The following BZW2 variants were observed in gnomAD, a reference collection of about 807,000 sequenced individuals.
The protein encoded by BZW2 is eIF5-mimic protein 1.
In BZW2, 23 loss-of-function variants were observed where a neutral mutation model predicts 53.2. That is an observed-to-expected ratio of 0.43 (90% confidence interval 0.31 to 0.61). BZW2 has a LOEUF of 0.61. Among genes scored for constraint, BZW2 ranks in the 20% least tolerant of loss-of-function variants. The pLI, the probability that BZW2 is intolerant of heterozygous loss-of-function variation, is 0.09. For missense variants in BZW2, 409 were observed against 503.1 expected (o/e 0.81, Z 1.79); for synonymous variants, 227 against 186.4 (o/e 1.22, Z -1.77).
intron 1 of BZW2, among the ~76,000 whole-genome samples, chr7:16,649,790 G>C (rs1781944383): frequency 6.6e-6 from 1 of 152,166 alleles, no homozygotes; most frequent in African/African-American, 2.4e-5. Context: ...AACTGGATGA[G>C]AAGACAGCTG....
At position 16,665,500 on chromosome 7, in the gene BZW2, G is replaced by C. The variant is rs1415183083; in HGVS notation, c.57G>C (p.Arg19Ser). ...GCCAGCGGTTCAAAACTCGGAAAAGGGGTAGGTTGTGTGTGTGTGTGTGTG... is the reference window on the plus strand; with the variant it reads ...GCCAGCGGTTCAAAACTCGGAAAAGCGGTAGGTTGTGTGTGTGTGTGTGTG... ...LTGQRFKTRK[R>S]DEKEKFEPTV... is the part of the protein sequence containing the mutation. The change falls in exon 2 of 12, where the codon AGG becomes AGC. Residue 19 changes from arginine to serine, a missense_variant and splice_region_variant. Around this residue, in one of 3 missense-constraint regions of BZW2, gnomAD observed 316 missense variants for 366.8 expected, o/e 0.86. Coordinates refer to ENST00000258761, the MANE Select transcript of BZW2 (RefSeq NM_014038.3). The C allele has an allele frequency of 6.2e-7, 1 of 1,611,666 alleles. No homozygotes were observed. Among genetic ancestry groups the C allele is most frequent in the Non-Finnish European group, 8.5e-7 (1 of 1,179,966 alleles).
intron 11 of BZW2, 121 bp downstream of exon 11, chr7:16,704,790 C>A: frequency 9.4e-7 from 1 of 1,064,616 alleles, no homozygotes; most frequent in East Asian, 2.7e-5. Flanking sequence ...AGTTATCTTT[C>A]GTATCAAACA....
Position 16,689,785 on chromosome 7 carries a change from G to A in BZW2, c.542-12G>A. 6.3e-7 allele frequency: 1 copy of A among 1,591,372 alleles called. No homozygotes were observed. On this transcript the variant is annotated splice_polypyrimidine_tract_variant and intron_variant, in intron 6 of 11. Coordinates refer to ENST00000258761, the MANE Select transcript of BZW2 (RefSeq NM_014038.3). ...CGTAAAAGGAATGAAATTCTCTTTT[G>A]TTTTTCAACAGGCATTGCGGCCTCA... is the stretch of plus-strand genomic sequence containing the variant.
At chr7:16,665,926 A>C (rs1010106698) in intron 2 of BZW2, among the ~76,000 whole-genome samples, 1 of 152,206 alleles carries the variant, frequency 6.6e-6, no homozygotes, top group East Asian at 1.9e-4. Context: ...GAAGAAGTCA[A>C]AATAAATCTA....
chr7:16,660,333 G>C (rs546657936), intron 1 of BZW2, among the ~76,000 whole-genome samples: 1 of 151,170 alleles, frequency 6.6e-6, no homozygotes, highest in African/African-American at 2.4e-5. Flanking sequence ...CCACGTGGTC[G>C]GGGCTGCAGT....
chr7:16,692,769 A>G (rs1783352275), intron 7 of BZW2, among the ~76,000 whole-genome samples: 1 of 152,196 alleles, frequency 6.6e-6, no homozygotes, highest in South Asian at 2.1e-4. Flanking sequence ...GTCTCAAAAC[A>G]AAACAAAACA....
chr7:16,646,218 CTG>C lies in BZW2; in HGVS notation c.-77_-76del. On this transcript the variant is annotated 5_prime_UTR_variant, in exon 1 of 12. Coordinates refer to ENST00000258761, the MANE Select transcript of BZW2 (RefSeq NM_014038.3). Reference sequence around the variant, plus strand: ...TCTGCCGCCACTGCTGCTGCTGCTGCTGCTGCCGCTGCTGCTGCACGAATCGC... The same window carrying C: ...TCTGCCGCCACTGCTGCTGCTGCTGCCTGCCGCTGCTGCTGCACGAATCGC... 1 of 345,072 alleles carries C rather than the reference CTG, an allele frequency of 2.9e-6. No homozygotes were observed. Among genetic ancestry groups the C allele is most frequent in the Non-Finnish European group, 5.9e-6 (1 of 169,380 alleles). 21.4% of individuals were successfully genotyped at this position (345,072 alleles called of 1,614,324 possible). A position where few individuals can be genotyped will look rare whatever the true frequency, so the allele number is the denominator to read the frequency against.
At chr7:16,679,696 CTAA>C (rs1231002986) in intron 3 of BZW2, among the ~76,000 whole-genome samples, 1 of 152,138 alleles carries the variant, frequency 6.6e-6, no homozygotes, top group African/African-American at 2.4e-5. Context: ...AAGGGAGTGG[CTAA>C]TGAGTAGAGA....
At position 16,669,949 on chromosome 7, in the gene BZW2, A is replaced by G. The variant is rs1003553947; in HGVS notation, c.58+4448A>G. The stretch of plus-strand genomic sequence containing the variant: ...TAGTATTTCTGCTAGACTGTCCTCT[A>G]ATAAAATGCAAACTACATTTACTGT... On this transcript the variant is annotated intron_variant, in intron 2 of 11. Transcript: ENST00000258761. Among the ~76,000 whole-genome samples the G allele has an allele frequency of 4.6e-5, 7 of 152,232 alleles. 1 individual carries two copies. The highest frequency in any genetic ancestry group is 4.6e-4 in the Admixed American group (7 of 15,286).
chr7:16,691,941 G>A (rs1276930708), intron 7 of BZW2, among the ~76,000 whole-genome samples: 1 of 152,062 alleles, frequency 6.6e-6, no homozygotes, highest in African/African-American at 2.4e-5. Context: ...TGGAACATAG[G>A]TGGTGGTTTC....
intron 5 of BZW2, among the ~76,000 whole-genome samples, chr7:16,684,941 C>T (rs945993344): frequency 3.3e-5 from 5 of 152,164 alleles, no homozygotes; most frequent in Non-Finnish European, 7.4e-5. Flanking sequence ...ATAATCATGT[C>T]ATCAGGGTGG....
intron 3 of BZW2, among the ~76,000 whole-genome samples, chr7:16,679,720 T>C (rs1332582175): frequency 6.6e-6 from 1 of 152,226 alleles, no homozygotes; most frequent in African/African-American, 2.4e-5. Flanking sequence ...GTGTTTGTCT[T>C]TTCAGCTTTG....
Position 16,704,532 on chromosome 7 carries a change from G to T in BZW2, c.1109-15G>T. 1.3e-6 allele frequency: 2 copies of T among 1,508,748 alleles called. No homozygotes were observed. The highest frequency in any genetic ancestry group is 9.0e-7 in the Non-Finnish European group (1 of 1,109,030). The allele number at this position is 1,508,748 out of a possible 1,614,324, so 93.5% of individuals were successfully genotyped here. A position where few individuals can be genotyped will look rare whatever the true frequency, so the allele number is the denominator to read the frequency against. ...TTTGTATAGTAACTTTGAAATCTTTGATTTAAAATTGCAGCTGATGTTCTG... is the reference window on the plus strand; with the variant it reads ...TTTGTATAGTAACTTTGAAATCTTTTATTTAAAATTGCAGCTGATGTTCTG... On this transcript the variant is annotated splice_polypyrimidine_tract_variant and intron_variant, in intron 10 of 11. Transcript: ENST00000258761.
At chr7:16,666,443 G>T (rs112034810) in intron 2 of BZW2, among the ~76,000 whole-genome samples, 8,105 of 147,614 alleles carry the variant, frequency 0.055, 246 homozygotes, top group African/African-American at 0.071. Context: ...TTGCTCCGTC[G>T]TCAGGCTGGA....
chr7:16,702,975 A>G (rs1009645406), intron 10 of BZW2, among the ~76,000 whole-genome samples: 1 of 152,240 alleles, frequency 6.6e-6, no homozygotes, highest in African/African-American at 2.4e-5. Flanking sequence ...TCTTAAAGAT[A>G]ATTTACAAGT....
intron 1 of BZW2, among the ~76,000 whole-genome samples, chr7:16,655,155 C>T (rs1460181135): frequency 6.6e-6 from 1 of 152,096 alleles, no homozygotes; most frequent in Non-Finnish European, 1.5e-5. Context: ...AAAATTAAAT[C>T]CTCTATCAAA....
At chr7:16,692,999 G>C (rs977796270) in intron 7 of BZW2, among the ~76,000 whole-genome samples, 1 of 152,208 alleles carries the variant, frequency 6.6e-6, no homozygotes, top group Non-Finnish European at 1.5e-5. Flanking sequence ...GAGCAGGTGA[G>C]AGCAAAAGTG....
chr7:16,685,876 C>CTTTTTTTTTTTTTTTTTTTTTTTT (rs34699573), intron 5 of BZW2, 29 bp from the exon 6 acceptor site: 99 of 1,294,568 alleles, frequency 7.6e-5, no homozygotes, highest in South Asian at 3.4e-4. Flanking sequence ...TTTTCTTTTT[C>CTTTTTTTTTTTTTTTTTTTTTTTT]TTTTTTTTTT....
intron 8 of BZW2, among the ~76,000 whole-genome samples, chr7:16,695,421 A>T (rs1052287416): frequency 6.6e-6 from 1 of 152,220 alleles, no homozygotes; most frequent in Non-Finnish European, 1.5e-5. Context: ...CTCTGTATGA[A>T]TATGTAACAG....
Sources: gnomAD v4.1 joint callset for allele counts (sites outside exome capture counted in the v4.1 genomes callset) on GRCh38, gnomAD v4.1.1 for gene constraint, gnomAD v4.1.1 regional missense constraint, MANE v1.5 for transcripts, NCBI Gene and HGNC (gene_info 2026-07-23, HGNC 2026-07-21) for gene names.